ADAMTSL3: variants seen among roughly 807,000 people sequenced by gnomAD.
ADAMTSL3 encodes ADAMTS like 3.
In ADAMTSL3, 128 loss-of-function variants were observed where a neutral mutation model predicts 201.7. The observed-to-expected ratio is 0.63, with a 90% CI of 0.55 to 0.73. The LOEUF (loss-of-function observed/expected upper bound fraction) is 0.73, where lower values mean the gene tolerates loss of function less well. Among genes scored for constraint, ADAMTSL3 ranks in the 30% least tolerant of loss-of-function variants. The pLI, the probability that ADAMTSL3 is intolerant of heterozygous loss-of-function variation, is 0.00. For synonymous variants in ADAMTSL3, 738 were observed against 748.4 expected (o/e 0.99, Z 0.23); for missense variants, 1,990 against 2,119.6 (o/e 0.94, Z 1.20).
chr15:84,037,722 C>T lies in ADAMTSL3; in HGVS notation c.4992C>T (p.His1664=). 2 of 1,611,730 alleles carry T rather than the reference C, an allele frequency of 1.2e-6. No individual in the cohort carries two copies. Among genetic ancestry groups the T allele is most frequent in the Non-Finnish European group, 1.7e-6 (2 of 1,179,254 alleles). Residue 1664 remains histidine (H), a synonymous_variant, in exon 30 of 30, where the codon CAC becomes CAT. Coordinates refer to ENST00000286744, the MANE Select transcript of ADAMTSL3 (RefSeq NM_207517.3). The stretch of plus-strand genomic sequence containing the variant: ...CAGGAGACTGCACAGACACAACTCA[C>T]TACTGTATGTTTGTAAAACATCTTA... The part of the protein sequence containing the change: ...SCDRDCTDTT[H]YCMFVKHLNL...
rs1596324359 is a variant in ADAMTSL3, at chr15:83,860,585, T to C, written c.802+1745T>C. Among the ~76,000 whole-genome samples, 4 of 152,358 alleles carry C rather than the reference T, an allele frequency of 2.6e-5. No homozygotes were observed. In the South Asian group the frequency reaches 8.3e-4, roughly 32 times the overall value. ...ATGGATGGTCTTGATATTCTCATGA[T>C]ATTAAAGGCCATTCCCCAAAATTCA... On this transcript the variant is annotated intron_variant, in intron 8 of 29. Coordinates refer to ENST00000286744, the MANE Select transcript of ADAMTSL3 (RefSeq NM_207517.3).
At chr15:83,759,265 G>A (rs564450203) in intron 3 of ADAMTSL3, among the ~76,000 whole-genome samples, 100 of 148,378 alleles carry the variant, frequency 6.7e-4, no homozygotes, top group African/African-American at 2.1e-3. Context: ...TCGCTCTGTC[G>A]CCCAGGCTGG....
chr15:83,682,506 T>C (rs1436861299), intron 2 of ADAMTSL3, among the ~76,000 whole-genome samples: 2 of 152,246 alleles, frequency 1.3e-5, no homozygotes, highest in African/African-American at 4.8e-5. Flanking sequence ...CTCTGAGATA[T>C]GTTAGGTCTT....
chr15:83,940,243 A>T (rs905140121), intron 17 of ADAMTSL3, among the ~76,000 whole-genome samples: 3 of 152,228 alleles, frequency 2.0e-5, no homozygotes, highest in African/African-American at 7.2e-5. Flanking sequence ...CTTTCTAAGT[A>T]TTTGGGCTTT....
chr15:83,785,036 C>A (rs6602991), intron 4 of ADAMTSL3, among the ~76,000 whole-genome samples: 59,288 of 151,998 alleles, frequency 0.39, 12,481 homozygotes, highest in South Asian at 0.63. Flanking sequence ...GTCCCCATTT[C>A]TTCCTTTGAG....
intron 5 of ADAMTSL3, among the ~76,000 whole-genome samples, chr15:83,816,252 T>C (rs1375938748): frequency 6.6e-6 from 1 of 152,238 alleles, no homozygotes; most frequent in African/African-American, 2.4e-5. Flanking sequence ...CAACCCCAGA[T>C]TGATATGAGT....
chr15:83,768,404 A>G (rs2062925502), intron 3 of ADAMTSL3, among the ~76,000 whole-genome samples: 1 of 152,128 alleles, frequency 6.6e-6, no homozygotes, highest in Non-Finnish European at 1.5e-5. Context: ...GGAGGGAGGG[A>G]GAGAAGAAGG....
At chr15:83,914,457 G>A (rs2065992592) in intron 16 of ADAMTSL3, among the ~76,000 whole-genome samples, 2 of 152,040 alleles carry the variant, frequency 1.3e-5, no homozygotes, top group Admixed American at 6.5e-5. Flanking sequence ...CTATACCTGC[G>A]TATCCTTGCC....
At chr15:83,950,558 A>G (rs754589285) in intron 19 of ADAMTSL3, among the ~76,000 whole-genome samples, 2 of 152,126 alleles carry the variant, frequency 1.3e-5, no homozygotes, top group Non-Finnish European at 2.9e-5. Context: ...TGATATTTTG[A>G]TAGGGATTGC....
chr15:83,843,140 G>A (rs902944639), intron 7 of ADAMTSL3, among the ~76,000 whole-genome samples: 1 of 152,178 alleles, frequency 6.6e-6, no homozygotes, highest in Non-Finnish European at 1.5e-5. Context: ...GAAAATGCAT[G>A]TGTATTTATA....
chr15:83,971,575 A>AG (rs2067197252), intron 20 of ADAMTSL3, among the ~76,000 whole-genome samples: 2 of 102,146 alleles, frequency 2.0e-5, no homozygotes, highest in Non-Finnish European at 4.9e-5. Context: ...AAAAAAAAAA[A>AG]AAGAAAGAAA....
chr15:83,820,359 T>G (rs954196890), intron 6 of ADAMTSL3, among the ~76,000 whole-genome samples: 2 of 152,304 alleles, frequency 1.3e-5, no homozygotes, highest in East Asian at 3.9e-4. Flanking sequence ...ATTACAGGCA[T>G]GAGCCACCGC....
chr15:83,859,617 G>A (rs546168458), intron 8 of ADAMTSL3, among the ~76,000 whole-genome samples: 1 of 152,264 alleles, frequency 6.6e-6, no homozygotes, highest in Admixed American at 6.5e-5. Flanking sequence ...ACTTCTCAAG[G>A]CTAGCTAGAT....
intron 10 of ADAMTSL3, among the ~76,000 whole-genome samples, chr15:83,888,332 C>T (rs2065438138): frequency 6.6e-6 from 1 of 152,156 alleles, no homozygotes; most frequent in African/African-American, 2.4e-5. Context: ...AATTAATTGT[C>T]TCTCCTCAAA....
intron 4 of ADAMTSL3, among the ~76,000 whole-genome samples, chr15:83,777,971 G>C (rs1041106191): frequency 6.6e-6 from 1 of 152,190 alleles, no homozygotes; most frequent in African/African-American, 2.4e-5. Flanking sequence ...ATTTCGTAAT[G>C]CAATCACAAG....
chr15:83,734,280 A>G (rs1266394854), intron 3 of ADAMTSL3, among the ~76,000 whole-genome samples: 5 of 152,310 alleles, frequency 3.3e-5, no homozygotes, highest in Non-Finnish European at 7.4e-5. Flanking sequence ...ACCAGAGTGA[A>G]CACAAAAATT....
chr15:84,025,878 C>G (rs902776927), intron 27 of ADAMTSL3, among the ~76,000 whole-genome samples: 3 of 152,100 alleles, frequency 2.0e-5, no homozygotes, highest in Non-Finnish European at 4.4e-5. Flanking sequence ...TATTGAAACA[C>G]ATAAAAGTTG....
At chr15:83,920,969 TATA>T (rs2066131938) in intron 16 of ADAMTSL3, among the ~76,000 whole-genome samples, 1 of 152,142 alleles carries the variant, frequency 6.6e-6, no homozygotes, top group Non-Finnish European at 1.5e-5. Context: ...TCCAAGTTCT[TATA>T]ATAATTTTTA....
At chr15:84,005,031 A>T (rs372620624) in intron 23 of ADAMTSL3, among the ~76,000 whole-genome samples, 12 of 152,154 alleles carry the variant, frequency 7.9e-5, no homozygotes, top group Admixed American at 4.6e-4. Flanking sequence ...ACTCCCTACC[A>T]TTCCTGAGGA....
Sources: allele counts gnomAD v4.1 joint callset (sites outside exome capture counted in the v4.1 genomes callset), GRCh38; gene constraint gnomAD v4.1.1; transcripts MANE v1.5; gene names NCBI Gene and HGNC (gene_info 2026-07-23, HGNC 2026-07-21).